The following GRID2 variants were observed in gnomAD, a reference collection of about 807,000 sequenced individuals.
GRID2 encodes glutamate ionotropic receptor delta type subunit 2.
GRID2 carries 33 observed loss-of-function variants against 114.8 expected under a neutral mutation model. The observed-to-expected ratio is 0.29, with a 90% CI of 0.22 to 0.38. GRID2 has a LOEUF of 0.38. GRID2 is among the 10% of genes least tolerant of loss of function. The probability of loss-of-function intolerance (pLI) is 1.00; values close to 1 mark genes in which losing one functional copy is unlikely to be tolerated. For synonymous variants in GRID2, 505 were observed against 449.9 expected, an observed-to-expected ratio of 1.12 and a Z score of -1.55; for missense variants, 1,184 against 1,257.7, an observed-to-expected ratio of 0.94 and a Z score of 0.89.
At chr4:93,318,970 A>G (rs6532401) in intron 8 of GRID2, 109,435 of 152,058 alleles carry the variant, frequency 0.72, 40,780 homozygotes, top group African/African-American at 0.93. Context: ...CCCCCAAAAA[A>G]CCCTGTTTGT....
intron 1 of GRID2, among the ~76,000 whole-genome samples, chr4:93,794,770 T>C (rs1476817638): frequency 1.3e-5 from 2 of 152,170 alleles, no homozygotes; most frequent in Non-Finnish European, 2.9e-5. Context: ...TCTTCTTCCA[T>C]TTTTCTCCCC....
rs1468013716 is a variant in GRID2 at position 93,773,331 on chromosome 4, C to T, written c.*833C>T. 1 of 152,010 alleles carries T rather than the reference C, an allele frequency of 6.6e-6. No individual in the cohort carries two copies. Among genetic ancestry groups the T allele is most frequent in the Non-Finnish European group, 1.5e-5 (1 of 67,984 alleles). 9.4% of individuals were successfully genotyped at this position (152,010 alleles called of 1,614,324 possible). On this transcript the variant is annotated 3_prime_UTR_variant, in exon 16 of 16. Transcript: ENST00000282020. ...TTAGTTTAAACAAAAGTATTGTATA[C>T]AGGAACTATGTATAGTGCAGGGGTT...
At chr4:93,691,441 A>G (rs1726554341) in intron 14 of GRID2, among the ~76,000 whole-genome samples, 1 of 152,094 alleles carries the variant, frequency 6.6e-6, no homozygotes, top group Non-Finnish European at 1.5e-5. Flanking sequence ...AAAACCAAGG[A>G]GAGTAGCAAG....
chr4:93,328,147 C>A (rs892191714), intron 8 of GRID2, among the ~76,000 whole-genome samples: 12 of 151,700 alleles, frequency 7.9e-5, no homozygotes, highest in African/African-American at 2.9e-4. Context: ...AAACAAAAAA[C>A]ATGTCCTTTA....
intron 1 of GRID2, among the ~76,000 whole-genome samples, chr4:92,463,958 C>A (rs951588214): frequency 1.2e-4 from 18 of 151,524 alleles, no homozygotes; most frequent in African/African-American, 4.4e-4. Context: ...TATTCATTTG[C>A]TCTTTTTCTC....
chr4:93,176,892 C>T (rs1426592594), intron 4 of GRID2, among the ~76,000 whole-genome samples: 3 of 152,064 alleles, frequency 2.0e-5, no homozygotes, highest in Non-Finnish European at 2.9e-5. Context: ...TAGAACATAG[C>T]GAGAATTGTG....
At chr4:92,968,356 C>T (rs1345865234) in intron 2 of GRID2, among the ~76,000 whole-genome samples, 1 of 151,738 alleles carries the variant, frequency 6.6e-6, no homozygotes, top group East Asian at 1.9e-4. Context: ...ACACAGTTCC[C>T]AAGTCATCAA....
At chr4:92,937,664 T>G (rs1560720392) in intron 2 of GRID2, among the ~76,000 whole-genome samples, 1 of 146,970 alleles carries the variant, frequency 6.8e-6, no homozygotes, top group Non-Finnish European at 1.5e-5. Context: ...TTCATAATTG[T>G]TTTAGCTTTG....
intron 1 of GRID2, among the ~76,000 whole-genome samples, chr4:92,452,067 C>T (rs1720954353): frequency 6.6e-6 from 1 of 152,024 alleles, no homozygotes. Flanking sequence ...TTCAGGATTG[C>T]AAAAAGCCAA....
intron 2 of GRID2, among the ~76,000 whole-genome samples, chr4:92,883,934 T>C (rs1298585704): frequency 1.3e-5 from 2 of 152,234 alleles, no homozygotes; most frequent in African/African-American, 4.8e-5. Flanking sequence ...GTTGTCAGTT[T>C]CATTAGTCCC....
At chr4:92,841,400 C>T (rs544488655) in intron 2 of GRID2, among the ~76,000 whole-genome samples, 2 of 152,068 alleles carry the variant, frequency 1.3e-5, no homozygotes, top group East Asian at 3.9e-4. Flanking sequence ...ATGCAGAAGT[C>T]GGGGTTACAA....
chr4:92,463,685 AC>A (rs1721604290), intron 1 of GRID2, among the ~76,000 whole-genome samples: 1 of 152,008 alleles, frequency 6.6e-6, no homozygotes. Flanking sequence ...CTATCTTCTT[AC>A]GGTGTTTTCT....
At chr4:92,351,163 A>C (rs1728050985) in intron 1 of GRID2, among the ~76,000 whole-genome samples, 1 of 151,850 alleles carries the variant, frequency 6.6e-6, no homozygotes, top group African/African-American at 2.4e-5. Flanking sequence ...GTGTGGACAT[A>C]TGTTTTAATT....
chr4:92,385,732 G>A (rs1054038111), intron 1 of GRID2, among the ~76,000 whole-genome samples: 4 of 151,098 alleles, frequency 2.6e-5, no homozygotes, highest in Non-Finnish European at 4.4e-5. Context: ...ATAAACATTT[G>A]TGTCCTACTT....
At chr4:92,304,894 G>C (rs1254877952) in intron 1 of GRID2, 150 bp downstream of exon 1, 1 of 682,396 alleles carries the variant, frequency 1.5e-6, no homozygotes. Flanking sequence ...CCTCACACTT[G>C]CTCAGTTTTC....
At chr4:93,535,068 T>C (rs1038632459) in intron 13 of GRID2, among the ~76,000 whole-genome samples, 27 of 152,156 alleles carry the variant, frequency 1.8e-4, no homozygotes, top group Middle Eastern at 6.8e-3. Context: ...TCTCTGCTTC[T>C]ATGAGTTTAA....
intron 9 of GRID2, among the ~76,000 whole-genome samples, chr4:93,406,336 G>A (rs1295532719): frequency 1.3e-5 from 2 of 152,166 alleles, no homozygotes; most frequent in African/African-American, 4.8e-5. Context: ...CTGGAGACAT[G>A]AAAGTATGGA....
intron 13 of GRID2, among the ~76,000 whole-genome samples, chr4:93,522,601 A>C (rs1730448469): frequency 1.3e-5 from 2 of 152,164 alleles, no homozygotes; most frequent in Admixed American, 1.3e-4. Context: ...TGAATCATGG[A>C]ATCTGTGCTA....
intron 3 of GRID2, among the ~76,000 whole-genome samples, chr4:93,105,701 A>G (rs1052973986): frequency 4.6e-5 from 7 of 152,138 alleles, no homozygotes; most frequent in Non-Finnish European, 7.4e-5. Flanking sequence ...CCCATCTTCA[A>G]AGCCAGCAGT....
Sources: gnomAD v4.1 joint callset for allele counts (sites outside exome capture counted in the v4.1 genomes callset) on GRCh38, gnomAD v4.1.1 for gene constraint, MANE v1.5 for transcripts, NCBI Gene and HGNC (gene_info 2026-07-23, HGNC 2026-07-21) for gene names.